The following ADORA2B variants were observed in gnomAD, a reference collection of about 807,000 sequenced individuals.
ADORA2B encodes the protein adenosine receptor A2b.
ADORA2B carries 18 observed loss-of-function variants against 20.8 expected under a neutral mutation model. That is an observed-to-expected ratio of 0.87 (90% confidence interval 0.60 to 1.29). The LOEUF is 1.29. ADORA2B is among the 50% of genes most tolerant of loss of function. The pLI is 0.00. For missense variants in ADORA2B, 441 were observed against 422.7 expected (o/e 1.04, Z -0.38); for synonymous variants, 179 against 178.3 (o/e 1.00, Z -0.03).
chr17:15,973,560 T>A (rs1025596758), intron 1 of ADORA2B, among the ~76,000 whole-genome samples: 9 of 152,226 alleles, frequency 5.9e-5, no homozygotes, highest in African/African-American at 2.2e-4. Context: ...CTGCCTGAGC[T>A]CTGCATCCTG....
the ADORA2B span, among the ~76,000 whole-genome samples, chr17:15,876,295 A>G: frequency 6.6e-6 from 1 of 152,056 alleles, no homozygotes; most frequent in African/African-American, 2.4e-5. Flanking sequence ...TGTTGCAGCA[A>G]GAAGAAAATA....
intron 1 of ADORA2B, among the ~76,000 whole-genome samples, chr17:15,972,483 C>T (rs1970201129): frequency 6.6e-6 from 1 of 152,078 alleles, no homozygotes; most frequent in South Asian, 2.1e-4. Flanking sequence ...AAATGTGTAC[C>T]TTTGCTATAA....
At chr17:15,861,981 C>G in the ADORA2B span, among the ~76,000 whole-genome samples, 1 of 152,120 alleles carries the variant, frequency 6.6e-6, no homozygotes, top group Non-Finnish European at 1.5e-5. Context: ...GCCTCTCCCT[C>G]CACCTGAACC....
the ADORA2B span, among the ~76,000 whole-genome samples, chr17:15,864,580 C>T: frequency 3.9e-3 from 595 of 152,140 alleles, 6 homozygotes; most frequent in African/African-American, 0.014. Flanking sequence ...AGGCAATGTG[C>T]GGAAATTGAT....
the ADORA2B span, among the ~76,000 whole-genome samples, chr17:15,895,144 A>G: frequency 6.6e-6 from 1 of 152,138 alleles, no homozygotes; most frequent in Admixed American, 6.5e-5. Context: ...ACATGATTAG[A>G]TGGTCCTCAT....
At chr17:15,908,601 T>C in the ADORA2B span, 1 of 193,290 alleles carries the variant, frequency 5.2e-6, no homozygotes. Flanking sequence ...ATGCAGTATG[T>C]GGCCCAAATC....
intron 1 of ADORA2B, among the ~76,000 whole-genome samples, chr17:15,965,752 T>TCTTGTAGC (rs1970108294): frequency 6.6e-6 from 1 of 152,256 alleles, no homozygotes; most frequent in African/African-American, 2.4e-5. Flanking sequence ...GGCACTCCCG[T>TCTTGTAGC]AGAAAGCCAC....
At chr17:15,905,791 G>A in the ADORA2B span, among the ~76,000 whole-genome samples, 7 of 152,090 alleles carry the variant, frequency 4.6e-5, no homozygotes, top group Non-Finnish European at 8.8e-5. Flanking sequence ...GAGTAGCTGA[G>A]ACTATAGGGA....
intron 1 of ADORA2B, among the ~76,000 whole-genome samples, chr17:15,964,393 G>A (rs1230912618): frequency 6.6e-6 from 1 of 151,258 alleles, no homozygotes; most frequent in African/African-American, 2.4e-5. Context: ...GATCACCAGA[G>A]GTCAGGAGTT....
At chr17:15,956,970 G>A (rs529717021) in intron 1 of ADORA2B, among the ~76,000 whole-genome samples, 205 of 152,238 alleles carry the variant, frequency 1.3e-3, no homozygotes, top group Middle Eastern at 3.4e-3. Flanking sequence ...GGAATGCCAA[G>A]GTACAATTTT....
At chr17:15,915,437 A>G in the ADORA2B span, among the ~76,000 whole-genome samples, 67 of 152,320 alleles carry the variant, frequency 4.4e-4, 1 homozygote, top group Middle Eastern at 3.4e-3. Context: ...TCAGGAGTGG[A>G]CATCTCTGGG....
At chr17:15,861,554 G>T in the ADORA2B span, among the ~76,000 whole-genome samples, 1 of 152,178 alleles carries the variant, frequency 6.6e-6, no homozygotes, top group Non-Finnish European at 1.5e-5. Flanking sequence ...CAGTGAGATT[G>T]GACCCATATT....
the ADORA2B span, among the ~76,000 whole-genome samples, chr17:15,874,074 A>ATATATATG: frequency 7.0e-6 from 1 of 142,610 alleles, no homozygotes; most frequent in African/African-American, 2.8e-5. Context: ...GTGTGTATAT[A>ATATATATG]TATATATGTA....
At chr17:15,910,768 CCTGGAAAGGGCAGGAG>C in the ADORA2B span, among the ~76,000 whole-genome samples, 5 of 152,276 alleles carry the variant, frequency 3.3e-5, no homozygotes, top group African/African-American at 1.2e-4. Context: ...CCTTCCCATA[CCTGGAAAGGGCAGGAG>C]CTCGGTCCCC....
chr17:15,921,315 G>C, the ADORA2B span, among the ~76,000 whole-genome samples: 3 of 152,320 alleles, frequency 2.0e-5, no homozygotes, highest in East Asian at 5.8e-4. Flanking sequence ...TTCTTCTGCA[G>C]CAGCAGTGAT....
At chr17:15,959,729 G>T (rs905135878) in intron 1 of ADORA2B, among the ~76,000 whole-genome samples, 6 of 152,202 alleles carry the variant, frequency 3.9e-5, no homozygotes, top group Non-Finnish European at 8.8e-5. Flanking sequence ...GTGAATTCCT[G>T]ACCTCAGGTG....
chr17:15,942,578 A>G (rs1010856918), upstream of ADORA2B, among the ~76,000 whole-genome samples: 6 of 152,190 alleles, frequency 3.9e-5, no homozygotes, highest in African/African-American at 1.4e-4. Flanking sequence ...AAAAGGGGAA[A>G]TGGTGATTCT....
the ADORA2B span, among the ~76,000 whole-genome samples, chr17:15,865,653 C>CT: frequency 6.6e-6 from 1 of 152,068 alleles, no homozygotes. Context: ...TCCCACAGAC[C>CT]TTTCCTACAA....
At chr17:15,857,247 C>G in the ADORA2B span, among the ~76,000 whole-genome samples, 194 of 152,316 alleles carry the variant, frequency 1.3e-3, no homozygotes, top group Non-Finnish European at 2.0e-3. Flanking sequence ...GTTTAGGAAC[C>G]TCTGTCTAGA....
Sources: allele counts gnomAD v4.1 joint callset (sites outside exome capture counted in the v4.1 genomes callset), GRCh38; gene constraint gnomAD v4.1.1; transcripts MANE v1.5; gene names NCBI Gene and HGNC (gene_info 2026-07-23, HGNC 2026-07-21).